LRP1B: variants seen among roughly 807,000 people sequenced by gnomAD.
LRP1B encodes the protein low-density lipoprotein receptor-related protein 1B.
LRP1B carries 217 observed loss-of-function variants against 556.6 expected under a neutral mutation model. That is an observed-to-expected ratio of 0.39 (90% CI 0.35 to 0.44). The LOEUF is 0.44. LRP1B is among the 20% of genes least tolerant of loss of function. LRP1B has a pLI of 1.00. For synonymous variants in LRP1B, 2,047 were observed against 1,865.8 expected (o/e 1.10, Z -2.50); for missense variants, 5,053 against 5,620.8 (o/e 0.90, Z 3.23).
At chr2:141,066,663 T>C (rs1223239784) in intron 7 of LRP1B, among the ~76,000 whole-genome samples, 1 of 151,984 alleles carries the variant, frequency 6.6e-6, no homozygotes, top group African/African-American at 2.4e-5. Flanking sequence ...AACTGCATGG[T>C]CAGTCCCCGT....
At chr2:140,979,765 A>C (rs527807024) in intron 18 of LRP1B, among the ~76,000 whole-genome samples, 1 of 152,292 alleles carries the variant, frequency 6.6e-6, no homozygotes, top group South Asian at 2.1e-4. Flanking sequence ...AGTCAGCCTA[A>C]AATGGTTGGA....
intron 1 of LRP1B, among the ~76,000 whole-genome samples, chr2:141,979,451 A>G: frequency 6.6e-6 from 1 of 152,114 alleles, no homozygotes; most frequent in East Asian, 1.9e-4. Flanking sequence ...TGGATGTTTG[A>G]AATTACACAG....
chr2:141,381,779 T>C (rs1689653003), intron 3 of LRP1B, among the ~76,000 whole-genome samples: 1 of 151,998 alleles, frequency 6.6e-6, no homozygotes, highest in African/African-American at 2.4e-5. Context: ...ACAAAAAACC[T>C]GCCAGCATGG....
chr2:141,962,122 T>C (rs1009078277), intron 1 of LRP1B, among the ~76,000 whole-genome samples: 1 of 151,760 alleles, frequency 6.6e-6, no homozygotes, highest in Non-Finnish European at 1.5e-5. Context: ...CAATTTCATA[T>C]GGTTCAGCCT....
At chr2:140,620,219 T>G (rs1396254031) in intron 41 of LRP1B, among the ~76,000 whole-genome samples, 4 of 152,202 alleles carry the variant, frequency 2.6e-5, no homozygotes, top group African/African-American at 9.6e-5. Context: ...AAGGCCATTG[T>G]CCACTCCAAG....
At chr2:141,645,491 T>TG (rs1689525930) in intron 2 of LRP1B, among the ~76,000 whole-genome samples, 1 of 142,040 alleles carries the variant, frequency 7.0e-6, no homozygotes, top group African/African-American at 2.5e-5. Flanking sequence ...TTTTTTTTTT[T>TG]TGGGTGGTTT....
intron 41 of LRP1B, chr2:140,683,653 C>A: frequency 2.9e-6 from 2 of 696,108 alleles, no homozygotes. Context: ...CCGAGTCCTC[C>A]GCATTTACAG....
intron 32 of LRP1B, among the ~76,000 whole-genome samples, chr2:140,782,890 G>A (rs1689750439): frequency 6.6e-6 from 1 of 152,078 alleles, no homozygotes; most frequent in Admixed American, 6.6e-5. Flanking sequence ...TTAAAAATAA[G>A]CAAATGGAAA....
intron 21 of LRP1B, among the ~76,000 whole-genome samples, chr2:140,917,215 A>C (rs1025829146): frequency 6.6e-6 from 1 of 152,328 alleles, no homozygotes; most frequent in East Asian, 1.9e-4. Context: ...AAGGATATAG[A>C]GCAGCAGAAA....
intron 41 of LRP1B, among the ~76,000 whole-genome samples, chr2:140,642,705 A>G (rs1298840510): frequency 6.6e-6 from 1 of 152,102 alleles, no homozygotes. Context: ...TTAGCTGGGC[A>G]TGGTGGCGGG....
At chr2:140,552,509 C>T (rs1431376814) in intron 43 of LRP1B, among the ~76,000 whole-genome samples, 1 of 152,080 alleles carries the variant, frequency 6.6e-6, no homozygotes, top group African/African-American at 2.4e-5. Context: ...TGAGCTAACT[C>T]CTGCCATCTC....
At chr2:140,681,404 G>A (rs1246287874) in intron 41 of LRP1B, among the ~76,000 whole-genome samples, 1 of 152,072 alleles carries the variant, frequency 6.6e-6, no homozygotes, top group Non-Finnish European at 1.5e-5. Flanking sequence ...TCAGTGAAAT[G>A]AAACACTCCA....
intron 66 of LRP1B, among the ~76,000 whole-genome samples, chr2:140,399,136 C>T (rs1304498981): frequency 1.4e-5 from 2 of 141,026 alleles, no homozygotes; most frequent in Non-Finnish European, 3.1e-5. Context: ...AACTTAGTGC[C>T]TTATTACTTA....
chr2:141,727,261 T>C (rs1334894279), intron 2 of LRP1B, among the ~76,000 whole-genome samples: 1 of 152,180 alleles, frequency 6.6e-6, no homozygotes, highest in African/African-American at 2.4e-5. Context: ...CTGTGGGTTA[T>C]ATCTCTCCAT....
Position 141,777,484 on chromosome 2 carries a change from C to T in LRP1B, c.205+32795G>A, listed in dbSNP as rs544596093. Among the ~76,000 whole-genome samples the T allele has an allele frequency of 5.3e-5, 8 of 152,056 alleles. No homozygotes were observed. The East Asian group carries it at 5.8e-4, about 11-fold the overall frequency. The stretch of plus-strand genomic sequence containing the variant: ...AGGCTGGAGTATGGTGGCGCAGTCT[C>T]GGCTCACTGCAGCCTCCGCCTCCCG... On this transcript the variant is annotated intron_variant, in intron 2 of 90. Transcript: ENST00000389484.
At chr2:141,887,648 T>A (rs1455951995) in intron 1 of LRP1B, among the ~76,000 whole-genome samples, 1 of 152,236 alleles carries the variant, frequency 6.6e-6, no homozygotes, top group East Asian at 1.9e-4. Flanking sequence ...TTACCAGCTG[T>A]CTGAGGTACT....
intron 2 of LRP1B, among the ~76,000 whole-genome samples, chr2:141,705,043 A>G (rs1005992915): frequency 1.3e-5 from 2 of 152,004 alleles, no homozygotes; most frequent in African/African-American, 4.8e-5. Flanking sequence ...TGTACCACGT[A>G]CTAATCTAAA....
At chr2:140,659,926 C>T (rs1044260324) in intron 41 of LRP1B, among the ~76,000 whole-genome samples, 5 of 152,006 alleles carry the variant, frequency 3.3e-5, no homozygotes, top group African/African-American at 1.2e-4. Context: ...TTCAGATATG[C>T]AACTGTTTAT....
Position 141,690,597 on chromosome 2 carries a change from A to G in LRP1B, c.205+119682T>C, listed in dbSNP as rs945042186. Among the ~76,000 whole-genome samples, 33 of 150,672 alleles carry G rather than the reference A, an allele frequency of 2.2e-4. No homozygotes were observed. In the Admixed American group the frequency reaches 2.2e-3, roughly 10 times the overall value. ...AAATATAATGTTAGATAATAGTGGTATACATTTGGTAGCTGACATCAATAA... is the reference window on the plus strand; with the variant it reads ...AAATATAATGTTAGATAATAGTGGTGTACATTTGGTAGCTGACATCAATAA... On this transcript the variant is annotated intron_variant, in intron 2 of 90. Transcript: ENST00000389484.
Sources: allele counts gnomAD v4.1 joint callset (sites outside exome capture counted in the v4.1 genomes callset), GRCh38; gene constraint gnomAD v4.1.1; transcripts MANE v1.5; gene names NCBI Gene and HGNC (gene_info 2026-07-23, HGNC 2026-07-21).